The following CNTNAP2 variants were observed in gnomAD, a reference collection of about 807,000 sequenced individuals.
CNTNAP2 encodes contactin-associated protein-like 2.
In CNTNAP2, 98 loss-of-function variants were observed where a neutral mutation model predicts 155.2. That is an observed-to-expected ratio of 0.63 (90% confidence interval 0.54 to 0.75). CNTNAP2 has a LOEUF of 0.75. CNTNAP2 is among the 30% of genes least tolerant of loss of function. The pLI, the probability that CNTNAP2 is intolerant of heterozygous loss-of-function variation, is 0.00. For missense variants in CNTNAP2, 1,727 were observed against 1,688.1 expected (o/e 1.02, Z -0.40); for synonymous variants, 651 against 631.2 (o/e 1.03, Z -0.47).
chr7:147,790,623 C>T (rs2116572141), intron 13 of CNTNAP2, among the ~76,000 whole-genome samples: 1 of 152,320 alleles, frequency 6.6e-6, no homozygotes. Flanking sequence ...TTGAATTTCA[C>T]AGTTGTTTAG....
chr7:147,873,114 G>A (rs76111067), intron 13 of CNTNAP2, among the ~76,000 whole-genome samples: 5,954 of 152,164 alleles, frequency 0.039, 373 homozygotes, highest in African/African-American at 0.14. Context: ...CTGATAGACA[G>A]GAATAGGAAT....
chr7:148,232,161 C>T (rs1250631110), intron 20 of CNTNAP2, among the ~76,000 whole-genome samples: 2 of 152,130 alleles, frequency 1.3e-5, no homozygotes, highest in East Asian at 3.9e-4. Flanking sequence ...GACCTGCCCA[C>T]CACTGAGGGC....
chr7:146,615,610 C>A (rs996134467), intron 1 of CNTNAP2, among the ~76,000 whole-genome samples: 1 of 152,182 alleles, frequency 6.6e-6, no homozygotes, highest in Non-Finnish European at 1.5e-5. Flanking sequence ...CTGGAAGCAC[C>A]TGAGACTCTT....
chr7:146,609,208 C>T (rs893179811), intron 1 of CNTNAP2, among the ~76,000 whole-genome samples: 1 of 152,196 alleles, frequency 6.6e-6, no homozygotes, highest in Admixed American at 6.5e-5. Context: ...TAGTGTTGCA[C>T]TCACATGCAT....
At chr7:146,871,427 G>A (rs1795304920) in intron 3 of CNTNAP2, among the ~76,000 whole-genome samples, 2 of 152,032 alleles carry the variant, frequency 1.3e-5, no homozygotes, top group Non-Finnish European at 2.9e-5. Context: ...CGACTCAGGA[G>A]GCTGAGATAG....
At chr7:147,952,585 T>C (rs1486188276) in intron 14 of CNTNAP2, among the ~76,000 whole-genome samples, 2 of 152,144 alleles carry the variant, frequency 1.3e-5, no homozygotes, top group East Asian at 3.9e-4. Context: ...GGTACTTAAC[T>C]ATCATAGATT....
chr7:147,219,251 A>T (rs1238546248), intron 8 of CNTNAP2, among the ~76,000 whole-genome samples: 2 of 152,180 alleles, frequency 1.3e-5, no homozygotes, highest in Non-Finnish European at 2.9e-5. Context: ...TTATTAGGAT[A>T]ATTGACTCAC....
chr7:148,079,871 C>T (rs1044161618), intron 15 of CNTNAP2, among the ~76,000 whole-genome samples: 31 of 152,118 alleles, frequency 2.0e-4, no homozygotes, highest in African/African-American at 6.8e-4. Context: ...CCCATCATGA[C>T]CTGAACTAGT....
At chr7:147,315,458 A>G (rs575409169) in intron 9 of CNTNAP2, among the ~76,000 whole-genome samples, 2 of 144,810 alleles carry the variant, frequency 1.4e-5, no homozygotes, top group East Asian at 2.0e-4. Flanking sequence ...TCCTGTCTCT[A>G]TGGATTTGTT....
intron 3 of CNTNAP2, among the ~76,000 whole-genome samples, chr7:146,870,784 T>G (rs1044851243): frequency 6.6e-6 from 1 of 152,110 alleles, no homozygotes; most frequent in African/African-American, 2.4e-5. Flanking sequence ...TAATAAAAAT[T>G]TTTATTAAAA....
chr7:147,872,549 A>G (rs895372788), intron 13 of CNTNAP2, among the ~76,000 whole-genome samples: 3 of 152,226 alleles, frequency 2.0e-5, no homozygotes, highest in Admixed American at 2.0e-4. Flanking sequence ...ACAAATAAAC[A>G]TCATGATAGA....
At chr7:147,091,904 C>A (rs1017588980) in intron 4 of CNTNAP2, among the ~76,000 whole-genome samples, 1 of 152,028 alleles carries the variant, frequency 6.6e-6, no homozygotes. Context: ...CCGCGCCAGG[C>A]CATTTTTTGT....
At chr7:147,963,646 G>A (rs1456068361) in intron 14 of CNTNAP2, among the ~76,000 whole-genome samples, 11 of 152,074 alleles carry the variant, frequency 7.2e-5, no homozygotes, top group South Asian at 2.1e-4. Context: ...CCAGACACGC[G>A]AAATGCTGAA....
intron 13 of CNTNAP2, among the ~76,000 whole-genome samples, chr7:147,795,890 T>C (rs1479114068): frequency 1.3e-5 from 2 of 152,186 alleles, no homozygotes; most frequent in Non-Finnish European, 2.9e-5. Flanking sequence ...TGTGATCATA[T>C]GGATCTAAAT....
At chr7:146,370,374 G>A (rs1170458822) in intron 1 of CNTNAP2, among the ~76,000 whole-genome samples, 1 of 151,442 alleles carries the variant, frequency 6.6e-6, no homozygotes, top group Non-Finnish European at 1.5e-5. Context: ...GCATGCGGAG[G>A]TTGCAGTGAG....
intron 1 of CNTNAP2, among the ~76,000 whole-genome samples, chr7:146,211,972 T>G (rs577283259): frequency 6.8e-4 from 104 of 152,290 alleles, no homozygotes; most frequent in African/African-American, 2.3e-3. Flanking sequence ...TTTTCTGGTC[T>G]GTAGAAACTG....
intron 21 of CNTNAP2, among the ~76,000 whole-genome samples, chr7:148,329,820 G>A (rs1797954227): frequency 6.6e-6 from 1 of 152,190 alleles, no homozygotes; most frequent in South Asian, 2.1e-4. Flanking sequence ...CATCCTTCAA[G>A]TGAGGAGATA....
chr7:148,295,643 C>G (rs1481939694), intron 21 of CNTNAP2, among the ~76,000 whole-genome samples: 3 of 139,162 alleles, frequency 2.2e-5, no homozygotes, highest in African/African-American at 8.5e-5. Context: ...CGGTGCCCGC[C>G]ACCGCGCCTG....
At chr7:146,817,997 A>G (rs888743270) in intron 2 of CNTNAP2, among the ~76,000 whole-genome samples, 7 of 152,202 alleles carry the variant, frequency 4.6e-5, no homozygotes, top group African/African-American at 1.7e-4. Flanking sequence ...TCACTTCCAT[A>G]TAAAACATTT....
Sources: allele counts gnomAD v4.1 joint callset (sites outside exome capture counted in the v4.1 genomes callset), GRCh38; gene constraint gnomAD v4.1.1; transcripts MANE v1.5; gene names NCBI Gene and HGNC (gene_info 2026-07-23, HGNC 2026-07-21).